CTNND2: variants seen among roughly 807,000 people sequenced by gnomAD.
The protein encoded by CTNND2 is catenin delta-2.
Under a neutral mutation model 144.4 loss-of-function variants are expected in CTNND2, and 22 were observed. The ratio of observed to expected loss-of-function variants is 0.15; its 90% CI spans 0.11 to 0.22. The LOEUF is 0.22. CTNND2 is among the 10% of genes least tolerant of loss of function. The probability of loss-of-function intolerance (pLI) is 1.00; values close to 1 mark genes in which losing one functional copy is unlikely to be tolerated. For synonymous variants in CTNND2, 751 were observed against 695.6 expected (o/e 1.08, Z -1.25); for missense variants, 1,353 against 1,618.8 (o/e 0.84, Z 2.82).
intron 3 of CTNND2, among the ~76,000 whole-genome samples, chr5:11,505,184 TAA>T (rs1770904978): frequency 6.8e-6 from 1 of 146,492 alleles, no homozygotes; most frequent in Non-Finnish European, 1.5e-5. Context: ...CGACAAATGA[TAA>T]GAGGAATCAT....
intron 11 of CTNND2, among the ~76,000 whole-genome samples, chr5:11,189,136 A>G (rs897128931): frequency 2.6e-5 from 4 of 152,280 alleles, no homozygotes; most frequent in Non-Finnish European, 4.4e-5. Flanking sequence ...ACTCCTCTAC[A>G]TATGAATCAA....
rs141288545 is a variant in CTNND2 at position 11,779,110 on chromosome 5, T to A, written c.38-46838A>T. Among the ~76,000 whole-genome samples the A allele has an allele frequency of 2.6e-3, 393 of 152,340 alleles. 3 individuals carry two copies. Among genetic ancestry groups the A allele is most frequent in the African/African-American group, 8.5e-3 (354 of 41,582 alleles). On this transcript the variant is annotated intron_variant, in intron 1 of 21. Transcript: ENST00000304623. ...CAGAAGGCCACAGCGTCCTCATGCA[T>A]GACGCATGGTGTATCCGCCATATGT...
At chr5:11,723,210 GT>G (rs906180982) in intron 2 of CTNND2, among the ~76,000 whole-genome samples, 4 of 151,664 alleles carry the variant, frequency 2.6e-5, no homozygotes, top group East Asian at 3.9e-4. Context: ...AATATGGTAG[GT>G]TTTTTTTCCT....
At position 11,558,552 on chromosome 5, in the gene CTNND2, T is replaced by G. The variant is rs185409613; in HGVS notation, c.287+6392A>C. Among the ~76,000 whole-genome samples, 14 of 152,156 alleles carry G rather than the reference T, an allele frequency of 9.2e-5. No individual in the cohort carries two copies. The East Asian group carries it at 1.5e-3, about 17-fold the overall frequency. On this transcript the variant is annotated intron_variant, in intron 3 of 21. Transcript: ENST00000304623. ...GGCTAATTTTTTGTATTTTTTTTTG[T>G]AGAGATGGAGTTTCACCATGTTGCC...
intron 1 of CTNND2, among the ~76,000 whole-genome samples, chr5:11,755,615 AT>A (rs1788886658): frequency 7.2e-6 from 1 of 138,418 alleles, no homozygotes; most frequent in African/African-American, 2.6e-5. Flanking sequence ...ATAATCCCAT[AT>A]TTCTAGGAGT....
chr5:11,572,071 T>C (rs1394169050), intron 2 of CTNND2, among the ~76,000 whole-genome samples: 3 of 152,162 alleles, frequency 2.0e-5, no homozygotes, highest in African/African-American at 4.8e-5. Flanking sequence ...AAGGGTTCAG[T>C]GCATCTTCTT....
intron 2 of CTNND2, among the ~76,000 whole-genome samples, chr5:11,641,298 G>A (rs1052202696): frequency 3.3e-5 from 5 of 151,984 alleles, no homozygotes; most frequent in African/African-American, 7.3e-5. Flanking sequence ...CAATGTGAGC[G>A]TTCCATGAAC....
At chr5:11,618,521 A>T (rs1780683398) in intron 2 of CTNND2, among the ~76,000 whole-genome samples, 1 of 152,196 alleles carries the variant, frequency 6.6e-6, no homozygotes, top group Non-Finnish European at 1.5e-5. Context: ...ACACACTCAT[A>T]AACCCACATA....
intron 1 of CTNND2, among the ~76,000 whole-genome samples, chr5:11,845,214 AT>A (rs576023964): frequency 1.8e-4 from 28 of 152,326 alleles, no homozygotes; most frequent in African/African-American, 5.8e-4. Context: ...GCTTTATAAA[AT>A]CAGGGTCTAA....
chr5:11,411,438 C>T, intron 5 of CTNND2, 98 bp downstream of exon 5: 1 of 679,622 alleles, frequency 1.5e-6, no homozygotes. Context: ...TCCTGAAATC[C>T]TCATTTGATA....
intron 9 of CTNND2, among the ~76,000 whole-genome samples, chr5:11,273,235 C>G (rs75495949): frequency 7.2e-4 from 109 of 152,270 alleles, no homozygotes; most frequent in Non-Finnish European, 1.1e-3. Context: ...AGTATTTGAG[C>G]TGCATGAAAA....
intron 9 of CTNND2, among the ~76,000 whole-genome samples, chr5:11,332,467 A>G (rs1173750041): frequency 6.6e-6 from 1 of 152,034 alleles, no homozygotes; most frequent in Non-Finnish European, 1.5e-5. Flanking sequence ...CCTTCCTTCT[A>G]TTTATGATGG....
intron 9 of CTNND2, among the ~76,000 whole-genome samples, chr5:11,303,999 C>G (rs1193502296): frequency 6.6e-6 from 1 of 151,446 alleles, no homozygotes; most frequent in Non-Finnish European, 1.5e-5. Flanking sequence ...GGTTCTCATT[C>G]TCTCTCTTGC....
intron 3 of CTNND2, among the ~76,000 whole-genome samples, chr5:11,490,886 G>T (rs761853492): frequency 4.8e-4 from 73 of 152,178 alleles, no homozygotes; most frequent in Non-Finnish European, 8.8e-4. Flanking sequence ...ACTTTGGGAG[G>T]CTGAGGTGGG....
chr5:11,456,175 G>T (rs1489333405), intron 3 of CTNND2, among the ~76,000 whole-genome samples: 1 of 152,102 alleles, frequency 6.6e-6, no homozygotes, highest in Non-Finnish European at 1.5e-5. Context: ...CGAATCATCT[G>T]GGCAATAGAT....
At chr5:11,377,743 C>A (rs1758081547) in intron 7 of CTNND2, among the ~76,000 whole-genome samples, 1 of 152,270 alleles carries the variant, frequency 6.6e-6, no homozygotes, top group South Asian at 2.1e-4. Context: ...CTCGCAATCC[C>A]AACTCTTAGT....
chr5:11,570,951 T>A (rs1237290005), intron 2 of CTNND2, among the ~76,000 whole-genome samples: 1 of 152,176 alleles, frequency 6.6e-6, no homozygotes, highest in Non-Finnish European at 1.5e-5. Flanking sequence ...TGTTTCTTTA[T>A]CTTCTGTTTT....
rs1554126308 is a variant in CTNND2, at chr5:11,818,004, T to TTTTTTTC, written c.38-85733_38-85732insGAAAAAA. On this transcript the variant is annotated intron_variant, in intron 1 of 21. Coordinates refer to ENST00000304623, the MANE Select transcript of CTNND2 (RefSeq NM_001332.4). ...GTGTTTTTTTTTTTTTTTTTTTTTT[T>TTTTTTTC]CAGTTCTCCTCCATCCAATATCAAA... Among the ~76,000 whole-genome samples the TTTTTTTC allele has an allele frequency of 1.1e-4, 10 of 93,276 alleles. 1 individual carries two copies. The highest frequency in any genetic ancestry group is 3.7e-4 in the East Asian group (1 of 2,688). 61.2% of individuals were successfully genotyped at this position (93,276 alleles called of 152,430 possible).
At chr5:11,681,326 G>A (rs898733482) in intron 2 of CTNND2, among the ~76,000 whole-genome samples, 3 of 152,154 alleles carry the variant, frequency 2.0e-5, no homozygotes, top group South Asian at 2.1e-4. Context: ...AGAAGTACTC[G>A]GATGAATCTA....
Sources: allele counts gnomAD v4.1 joint callset (sites outside exome capture counted in the v4.1 genomes callset), GRCh38; gene constraint gnomAD v4.1.1; transcripts MANE v1.5; gene names NCBI Gene and HGNC (gene_info 2026-07-23, HGNC 2026-07-21).